Variants in SATB2 observed in about 807,000 individuals in gnomAD.
SATB2 encodes the protein SATB homeobox 2.
In SATB2, 1 loss-of-function variant was observed where a neutral mutation model predicts 73.4. The observed-to-expected ratio is 0.01, with a 90% confidence interval of 0.00 to 0.06. The LOEUF is 0.06. SATB2 is among the 10% of genes least tolerant of loss of function. The probability of loss-of-function intolerance (pLI) is 1.00; values close to 1 mark genes in which losing one functional copy is unlikely to be tolerated. For synonymous variants in SATB2, 397 were observed against 367.0 expected (o/e 1.08, Z -0.93); for missense variants, 459 against 945.8 (o/e 0.49, Z 6.75).
intron 7 of SATB2, 82 bp from the exon 8 acceptor site, chr2:199,328,992 CTTTG>C: frequency 9.2e-7 from 1 of 1,087,192 alleles, no homozygotes; most frequent in Non-Finnish European, 1.4e-6. Flanking sequence ...CCCTCTCCTC[CTTTG>C]TTTGGTTTAA....
At chr2:199,319,482 G>A (rs572251459) in intron 9 of SATB2, among the ~76,000 whole-genome samples, 15 of 152,088 alleles carry the variant, frequency 9.9e-5, no homozygotes, top group Non-Finnish European at 1.5e-4. Flanking sequence ...AAACCAGGCC[G>A]TCTTTTTCCC....
In SATB2 at chr2:199,386,704, GCGCGCGCGCGCGCACACA is replaced by G. The variant is rs71015901; in HGVS notation, c.347-4902_347-4885del. On this transcript the variant is annotated intron_variant, in intron 3 of 10. Coordinates refer to ENST00000417098, the MANE Select transcript of SATB2 (RefSeq NM_001172509.2). Reference sequence around the variant, plus strand: ...TTCATACACGTGCGCAAGCGCGCGCGCGCGCGCGCGCGCACACACACACACACACACACACACACACAC... The same window carrying G: ...TTCATACACGTGCGCAAGCGCGCGCGCACACACACACACACACACACACAC... Among the ~76,000 whole-genome samples the G allele has an allele frequency of 3.1e-4, 19 of 60,780 alleles. 1 individual carries two copies. Among genetic ancestry groups the G allele is most frequent in the African/African-American group, 6.1e-4 (6 of 9,786 alleles). The allele number at this position is 60,780 out of a possible 152,430, so 39.9% of individuals were successfully genotyped here.
At chr2:199,349,425 A>G (rs1300950724) in intron 6 of SATB2, among the ~76,000 whole-genome samples, 4 of 152,174 alleles carry the variant, frequency 2.6e-5, no homozygotes, top group Non-Finnish European at 4.4e-5. Flanking sequence ...AAAAGTAAGC[A>G]TTTCTTTAAA....
chr2:199,378,176 T>C (rs1689660242), intron 5 of SATB2, among the ~76,000 whole-genome samples: 1 of 152,204 alleles, frequency 6.6e-6, no homozygotes, highest in Non-Finnish European at 1.5e-5. Context: ...ATGTTGCCTC[T>C]CTAGTCATAT....
intron 2 of SATB2, among the ~76,000 whole-genome samples, chr2:199,442,060 G>A (rs1691831213): frequency 6.6e-6 from 1 of 152,166 alleles, no homozygotes. Context: ...ACATGGGCTG[G>A]ACTTAGCTGC....
At chr2:199,468,915 A>G (rs1692648478), upstream of SATB2, 1 of 152,314 alleles carries the variant, frequency 6.6e-6, no homozygotes, top group Non-Finnish European at 1.5e-5. Context: ...TAAGGTTGGA[A>G]TCTGGTAAGT....
At chr2:199,371,137 A>T (rs1025452982) in intron 5 of SATB2, among the ~76,000 whole-genome samples, 1 of 152,160 alleles carries the variant, frequency 6.6e-6, no homozygotes, top group African/African-American at 2.4e-5. Flanking sequence ...AGACTTTAAA[A>T]TCAGAAGACA....
At chr2:199,386,716 GCACACACA>G (rs61568459) in intron 3 of SATB2, among the ~76,000 whole-genome samples, 123 of 9,180 alleles carry the variant, frequency 0.013, 1 homozygote, top group South Asian at 0.024. Context: ...GCGCGCGCGC[GCACACACA>G]CACACACACA....
At chr2:199,323,699 T>C (rs965730103) in intron 9 of SATB2, 104 bp downstream of exon 9, 48 of 1,231,640 alleles carry the variant, frequency 3.9e-5, no homozygotes, top group South Asian at 2.4e-4. Context: ...TCTTGGGGGT[T>C]ATTACTGTTA....
chr2:199,321,314 T>C (rs1687879559), intron 9 of SATB2, among the ~76,000 whole-genome samples: 1 of 151,784 alleles, frequency 6.6e-6, no homozygotes, highest in South Asian at 2.1e-4. Flanking sequence ...TATATACACG[T>C]CTATGTATAG....
rs930682458 is a variant in SATB2 at position 199,429,043 on chromosome 2, A to C, written c.346+4295T>G. ...AAAAAAGAAAGAAAGAAAGAAAAAA[A>C]CCAACTCTAAGAAATCCCTTGGTTT... On this transcript the variant is annotated intron_variant, in intron 3 of 10. Transcript: ENST00000417098. Among the ~76,000 whole-genome samples the C allele has an allele frequency of 1.3e-4, 20 of 151,906 alleles. 1 individual carries two copies. In the East Asian group the frequency reaches 3.7e-3, roughly 28 times the overall value.
At chr2:199,390,016 A>T (rs899037323) in intron 3 of SATB2, among the ~76,000 whole-genome samples, 14 of 152,128 alleles carry the variant, frequency 9.2e-5, no homozygotes, top group Non-Finnish European at 1.6e-4. Context: ...ATGTTATGTT[A>T]CAACCCTGAC....
chr2:199,301,150 C>G (rs747317054), intron 10 of SATB2, among the ~76,000 whole-genome samples: 3 of 151,974 alleles, frequency 2.0e-5, no homozygotes, highest in Non-Finnish European at 4.4e-5. Context: ...TATGTGACTA[C>G]ATGATAAATG....
chr2:199,336,590 A>G (rs1559168466), intron 7 of SATB2, among the ~76,000 whole-genome samples: 1 of 152,322 alleles, frequency 6.6e-6, no homozygotes, highest in East Asian at 1.9e-4. Context: ...CAGTTACAAA[A>G]TATTATTCTT....
chr2:199,285,827 T>C lies in SATB2; in HGVS notation c.1741-13155A>G, dbSNP rs1012819971. 3.9e-4 allele frequency among the ~76,000 whole-genome samples: 57 copies of C among 147,340 alleles called. 1 individual carries two copies. Among genetic ancestry groups the C allele is most frequent in the Non-Finnish European group, 1.5e-5 (1 of 67,254 alleles). On this transcript the variant is annotated intron_variant, in intron 10 of 10. Coordinates refer to ENST00000417098, the MANE Select transcript of SATB2 (RefSeq NM_001172509.2). ...AAATCAATACAAACAAGCAAAATGG[T>C]AGGAAGTCTGACATGGAAATATGTG...
intron 7 of SATB2, among the ~76,000 whole-genome samples, chr2:199,333,956 T>C (rs1688263157): frequency 6.6e-6 from 1 of 152,184 alleles, no homozygotes; most frequent in African/African-American, 2.4e-5. Context: ...GAGACTGTTT[T>C]CCTTTCTGGA....
rs563418462 is a variant in SATB2 at position 199,367,027 on chromosome 2, CTCTCTTACTT to C, written c.700+1568_700+1577del. Among the ~76,000 whole-genome samples the C allele has an allele frequency of 2.0e-5, 3 of 152,238 alleles. No homozygotes were observed. In the South Asian group the frequency reaches 6.2e-4, roughly 32 times the overall value. On this transcript the variant is annotated intron_variant, in intron 6 of 10. Coordinates refer to ENST00000417098, the MANE Select transcript of SATB2 (RefSeq NM_001172509.2). The stretch of plus-strand genomic sequence containing the variant: ...CACTCCAGCCTATTAAAAGAGGACA[CTCTCTTACTT>C]TCTCTTATAACAGCAAGTAAATGGG...
chr2:199,428,097 T>G (rs761043935), intron 3 of SATB2, among the ~76,000 whole-genome samples: 36 of 152,204 alleles, frequency 2.4e-4, no homozygotes, highest in Non-Finnish European at 3.5e-4. Context: ...TTTGTAAGTT[T>G]GATAAGAAAC....
At chr2:199,296,550 G>A (rs1687103222) in intron 10 of SATB2, among the ~76,000 whole-genome samples, 1 of 152,092 alleles carries the variant, frequency 6.6e-6, no homozygotes, top group Admixed American at 6.6e-5. Context: ...AAATTAGCTA[G>A]GGATGGTAGT....
Sources: gnomAD v4.1 joint callset for allele counts (sites outside exome capture counted in the v4.1 genomes callset) on GRCh38, gnomAD v4.1.1 for gene constraint, MANE v1.5 for transcripts, NCBI Gene and HGNC (gene_info 2026-07-23, HGNC 2026-07-21) for gene names.